Variants in DNAJC27 observed in about 807,000 individuals in gnomAD.
The protein encoded by DNAJC27 is DnaJ heat shock protein family (Hsp40) member C27, also known as dnaJ homolog subfamily C member 27.
DNAJC27 carries 25 observed loss-of-function variants against 31.4 expected under a neutral mutation model. That is an observed-to-expected ratio of 0.80 (90% confidence interval 0.58 to 1.11). The LOEUF (loss-of-function observed/expected upper bound fraction) is 1.11, where lower values mean the gene tolerates loss of function less well. Ranked by LOEUF, DNAJC27 falls within the 50% of genes most tolerant of loss-of-function variation. DNAJC27 has a pLI of 0.00. For missense variants in DNAJC27, 356 were observed against 347.3 expected (o/e 1.02, Z -0.20); for synonymous variants, 106 against 112.7 (o/e 0.94, Z 0.37).
chr2:24,957,820 C>G lies in DNAJC27; in HGVS notation c.395G>C (p.Cys132Ser), dbSNP rs756430253. The G allele has an allele frequency of 6.2e-7, 1 of 1,614,066 alleles. No individual in the cohort carries two copies. The highest frequency in any genetic ancestry group is 1.1e-5 in the South Asian group (1 of 91,076). Residue 132 changes from cysteine (C) to serine (S), a missense_variant, in exon 4 of 7, where the codon TGT becomes TCT. Coordinates refer to ENST00000264711, the MANE Select transcript of DNAJC27 (RefSeq NM_016544.3). ...TTCCAGAGGGGTTACCTTGTTGGCA[C>G]AAACTACAAATATAATATTTTCCAT... ...GNMENIIFVV[C>S]ANKIDCTKHR...
intron 6 of DNAJC27, among the ~76,000 whole-genome samples, chr2:24,951,039 A>G (rs1665762930): frequency 6.6e-6 from 1 of 152,190 alleles, no homozygotes; most frequent in East Asian, 1.9e-4. Context: ...ATAAAATGAA[A>G]TGTTTGACAA....
chr2:24,967,920 G>C (rs1314211355), intron 1 of DNAJC27, among the ~76,000 whole-genome samples: 1 of 150,010 alleles, frequency 6.7e-6, no homozygotes, highest in Non-Finnish European at 1.5e-5. Flanking sequence ...GCCAAGACCA[G>C]ATCCACATCT....
rs986062191 is a variant in DNAJC27, at chr2:24,945,715, A to C, written c.*1901T>G. The C allele has an allele frequency of 6.6e-6, 1 of 152,258 alleles. No homozygotes were observed. The highest frequency in any genetic ancestry group is 1.5e-5 in the Non-Finnish European group (1 of 68,054). 9.4% of individuals were successfully genotyped at this position (152,258 alleles called of 1,614,324 possible). ...AGGAAAACCTCGCAAGAAATAACAT[A>C]TATCAATCAGTTCATTTAAAAAGTT... On this transcript the variant is annotated 3_prime_UTR_variant, in exon 7 of 7. Transcript: ENST00000264711.
At chr2:24,972,089 G>A, upstream of DNAJC27, 2 of 492,990 alleles carry the variant, frequency 4.1e-6, no homozygotes, top group Admixed American at 4.2e-5. Flanking sequence ...GCCGGGGGAG[G>A]GAGACGGGAG....
At chr2:24,956,194 G>C (rs1287210069) in intron 5 of DNAJC27, among the ~76,000 whole-genome samples, 2 of 152,112 alleles carry the variant, frequency 1.3e-5, no homozygotes, top group Non-Finnish European at 2.9e-5. Flanking sequence ...CAATAATTAA[G>C]AACAACTCTT....
At chr2:24,954,666 G>A (rs906297125) in intron 5 of DNAJC27, among the ~76,000 whole-genome samples, 3 of 152,198 alleles carry the variant, frequency 2.0e-5, no homozygotes, top group African/African-American at 7.2e-5. Context: ...GGCTGGGTGC[G>A]GTGGCTCATG....
At chr2:24,965,173 G>C (rs1666149629) in intron 2 of DNAJC27, among the ~76,000 whole-genome samples, 1 of 151,640 alleles carries the variant, frequency 6.6e-6, no homozygotes, top group African/African-American at 2.4e-5. Context: ...AGTGAGCCAA[G>C]ATCGCGCCAC....
intron 6 of DNAJC27, among the ~76,000 whole-genome samples, chr2:24,950,869 AAAT>A (rs1400793514): frequency 1.2e-4 from 18 of 152,152 alleles, no homozygotes; most frequent in African/African-American, 4.3e-4. Context: ...TAAAAAAAAA[AAAT>A]AAACAAATAC....
intron 2 of DNAJC27, 38 bp downstream of exon 2, chr2:24,967,173 C>G (rs1421498572): frequency 2.0e-6 from 3 of 1,528,596 alleles, no homozygotes; most frequent in African/African-American, 1.4e-5. Flanking sequence ...TTCTGAACTT[C>G]TATGTAACTT....
chr2:24,951,248 A>G (rs533477796), intron 6 of DNAJC27, 146 bp downstream of exon 6: 2 of 869,622 alleles, frequency 2.3e-6, no homozygotes, highest in African/African-American at 1.7e-5. Flanking sequence ...TATTCAGCTA[A>G]TTCAGTGAAA....
intron 5 of DNAJC27, among the ~76,000 whole-genome samples, chr2:24,952,281 T>C (rs1000185514): frequency 1.3e-5 from 2 of 152,208 alleles, no homozygotes; most frequent in Admixed American, 6.5e-5. Flanking sequence ...CAGAAAAATT[T>C]ACCATCAGTA....
intron 5 of DNAJC27, among the ~76,000 whole-genome samples, chr2:24,953,272 T>G (rs1665826016): frequency 6.6e-6 from 1 of 152,194 alleles, no homozygotes; most frequent in East Asian, 1.9e-4. Context: ...TCTTTTAGAC[T>G]CTCCTTTCTG....
chr2:24,961,601 A>G (rs1006244283), intron 3 of DNAJC27, among the ~76,000 whole-genome samples: 2 of 152,038 alleles, frequency 1.3e-5, no homozygotes, highest in Non-Finnish European at 2.9e-5. Flanking sequence ...AGGTCAAAGT[A>G]TCAACCTTAA....
At position 24,945,410 on chromosome 2, in the gene DNAJC27, C is replaced by T. The variant is rs1454753244; in HGVS notation, c.*2206G>A. The T allele has an allele frequency of 1.3e-5, 2 of 152,148 alleles. No individual in the cohort carries two copies. Among genetic ancestry groups the T allele is most frequent in the African/African-American group, 2.4e-5 (1 of 41,432 alleles). The allele number at this position is 152,148 out of a possible 1,614,324, so 9.4% of individuals were successfully genotyped here. A position where few individuals can be genotyped will look rare whatever the true frequency, so the allele number is the denominator to read the frequency against. ...AATTTTCTCTGCTGTAATTGCTCAT[C>T]TGTGCAATACGGCTGAATGAGGTTC... On this transcript the variant is annotated 3_prime_UTR_variant, in exon 7 of 7. Coordinates refer to ENST00000264711, the MANE Select transcript of DNAJC27 (RefSeq NM_016544.3).
chr2:24,957,198 A>T lies in DNAJC27; in HGVS notation c.406-33T>A, dbSNP rs1217319252. Reference sequence around the variant, plus strand: ...AGAAGGGGCGGGGGACAGAGAGAAGATTACAATCTTGTCCTACTAGAATGG... The same window carrying T: ...AGAAGGGGCGGGGGACAGAGAGAAGTTTACAATCTTGTCCTACTAGAATGG... On this transcript the variant is annotated intron_variant, in intron 4 of 6. Transcript: ENST00000264711. 1.9e-6 allele frequency: 3 copies of T among 1,561,394 alleles called. No individual in the cohort carries two copies. The East Asian group carries it at 6.9e-5, about 36-fold the overall frequency.
chr2:24,963,300 C>T (rs1002730681), intron 3 of DNAJC27, 105 bp downstream of exon 3: 7 of 830,056 alleles, frequency 8.4e-6, no homozygotes, highest in Non-Finnish European at 1.3e-5. Context: ...TAAAATTATG[C>T]AATTTTACAC....
At chr2:24,958,058 G>T in intron 3 of DNAJC27, 84 bp from the exon 4 acceptor site, 1 of 1,230,564 alleles carries the variant, frequency 8.1e-7, no homozygotes, top group Non-Finnish European at 1.1e-6. Flanking sequence ...CTGGCAAAGT[G>T]TGTTCTTTTG....
intron 2 of DNAJC27, among the ~76,000 whole-genome samples, chr2:24,965,721 G>A (rs1013991822): frequency 2.0e-5 from 3 of 152,140 alleles, no homozygotes; most frequent in African/African-American, 7.2e-5. Flanking sequence ...ACCATTTACT[G>A]GGGCCACTTT....
In DNAJC27 at chr2:24,963,403, A is replaced by C. The variant is rs1573115977; in HGVS notation, c.240+2T>G. On this transcript the variant is annotated splice_donor_variant, in intron 3 of 6. Coordinates refer to ENST00000264711, the MANE Select transcript of DNAJC27 (RefSeq NM_016544.3). LOFTEE classifies it high-confidence loss of function. ...TAGGTTTTGTCAAAAAGGCTTTCTT[A>C]CCTCATAGAAGAAGGGATGTCCAGC... The C allele has an allele frequency of 6.2e-7, 1 of 1,612,774 alleles. No individual in the cohort carries two copies. The highest frequency in any genetic ancestry group is 8.5e-7 in the Non-Finnish European group (1 of 1,178,982).
Sources: gnomAD v4.1 joint callset for allele counts (sites outside exome capture counted in the v4.1 genomes callset) on GRCh38, gnomAD v4.1.1 for gene constraint, MANE v1.5 for transcripts, NCBI Gene and HGNC (gene_info 2026-07-23, HGNC 2026-07-21) for gene names.